RAP1GAP2: variants seen among roughly 807,000 people sequenced by gnomAD.
RAP1GAP2 encodes RAP1 GTPase activating protein 2, also known as rap1 GTPase-activating protein 2.
RAP1GAP2 carries 27 observed loss-of-function variants against 95.0 expected under a neutral mutation model. The observed-to-expected ratio is 0.28, with a 90% CI of 0.21 to 0.39. The LOEUF is 0.39. RAP1GAP2 is among the 10% of genes least tolerant of loss of function. The probability of loss-of-function intolerance (pLI) is 1.00; values close to 1 mark genes in which losing one functional copy is unlikely to be tolerated. For missense variants in RAP1GAP2, 771 were observed against 970.0 expected (o/e 0.79, Z 2.72); for synonymous variants, 373 against 380.9 (o/e 0.98, Z 0.24).
At chr17:2,898,369 C>T (rs1201880274) in intron 2 of RAP1GAP2, among the ~76,000 whole-genome samples, 5 of 152,240 alleles carry the variant, frequency 3.3e-5, no homozygotes, top group African/African-American at 4.8e-5. Context: ...TACCCATTCA[C>T]TCCACCTGTT....
At chr17:2,848,125 C>A (rs1200144839) in intron 2 of RAP1GAP2, among the ~76,000 whole-genome samples, 1 of 152,162 alleles carries the variant, frequency 6.6e-6, no homozygotes, top group Admixed American at 6.5e-5. Flanking sequence ...GCAGGCCCCA[C>A]CTTCATGGCT....
chr17:2,938,522 C>T (rs1213237320), intron 3 of RAP1GAP2, among the ~76,000 whole-genome samples: 1 of 152,128 alleles, frequency 6.6e-6, no homozygotes, highest in Non-Finnish European at 1.5e-5. Context: ...TTCCCCACAG[C>T]ACCAAGTGCC....
chr17:2,902,183 T>G lies in RAP1GAP2; in HGVS notation c.81-3101T>G, dbSNP rs560247126. On this transcript the variant is annotated intron_variant, in intron 2 of 24. Coordinates refer to ENST00000254695, the MANE Select transcript of RAP1GAP2 (RefSeq NM_015085.5). The surrounding 1 kb of genome is among the most constrained non-coding windows in gnomAD (Gnocchi z 4.1). ...GTGTCTGCCTGAGAACACGGGGCATTCTCACTGTGTGTTTCTTCACATTGT... is the reference window on the plus strand; with the variant it reads ...GTGTCTGCCTGAGAACACGGGGCATGCTCACTGTGTGTTTCTTCACATTGT... Among the ~76,000 whole-genome samples the G allele has an allele frequency of 6.6e-6, 1 of 152,220 alleles. No individual in the cohort carries two copies. The highest frequency in any genetic ancestry group is 1.9e-4 in the East Asian group (1 of 5,182).
At chr17:2,822,176 C>T (rs1429209332) in intron 2 of RAP1GAP2, among the ~76,000 whole-genome samples, 1 of 152,148 alleles carries the variant, frequency 6.6e-6, no homozygotes, top group African/African-American at 2.4e-5. Flanking sequence ...GTGTCTCTTG[C>T]ATTCACGCAC....
intron 8 of RAP1GAP2, among the ~76,000 whole-genome samples, chr17:2,967,544 G>A (rs536915450): frequency 5.9e-5 from 9 of 152,246 alleles, no homozygotes; most frequent in African/African-American, 2.2e-4. Context: ...TGGGTCAACA[G>A]CATTGAAATC....
chr17:2,843,192 G>A (rs2071440090), intron 2 of RAP1GAP2, among the ~76,000 whole-genome samples: 1 of 152,076 alleles, frequency 6.6e-6, no homozygotes, highest in Non-Finnish European at 1.5e-5. Context: ...GAATCACTAA[G>A]GGTGTGTCCT....
intron 3 of RAP1GAP2, among the ~76,000 whole-genome samples, chr17:2,946,952 T>A (rs1337133527): frequency 6.6e-6 from 1 of 152,108 alleles, no homozygotes; most frequent in African/African-American, 2.4e-5. Flanking sequence ...ACAGGGTTTC[T>A]CCATGTTGGT....
intron 2 of RAP1GAP2, among the ~76,000 whole-genome samples, chr17:2,823,440 C>A (rs1037502624): frequency 6.6e-6 from 1 of 152,202 alleles, no homozygotes; most frequent in Non-Finnish European, 1.5e-5. Context: ...TGTTAGGATT[C>A]TAGTTTCGTT....
rs915689733 is a variant in RAP1GAP2, at chr17:2,809,332, T to G, written c.80+8782T>G. 3.9e-5 allele frequency among the ~76,000 whole-genome samples: 6 copies of G among 152,358 alleles called. 1 individual carries two copies. In the Middle Eastern group the frequency reaches 0.014, roughly 345 times the overall value. The stretch of plus-strand genomic sequence containing the variant: ...CAGTGGGCAGGAGGGGCTTTGCCTA[T>G]TCACGGAGCCCGTGAGGGTGTTTTC... On this transcript the variant is annotated intron_variant, in intron 2 of 24. Transcript: ENST00000254695.
chr17:2,801,594 GGTATGTGTGTGTGTGTGTGTGT>G (rs1167652826), intron 2 of RAP1GAP2, among the ~76,000 whole-genome samples: 9 of 126,046 alleles, frequency 7.1e-5, no homozygotes, highest in East Asian at 4.5e-4. Flanking sequence ...AACACTCCAG[GGTATGTGTGTGTGTGTGTGTGT>G]GTGTGTGTGT....
intron 11 of RAP1GAP2, among the ~76,000 whole-genome samples, chr17:2,986,908 T>C (rs2045576417): frequency 6.6e-6 from 1 of 152,230 alleles, no homozygotes; most frequent in Non-Finnish European, 1.5e-5. Context: ...TCTGGCCTCA[T>C]GACCTGGGGC....
Position 2,862,467 on chromosome 17 carries a change from C to T in RAP1GAP2, c.81-42817C>T, listed in dbSNP as rs372455436. ...AGCACTTCTGTTCAGACGGGGGCTG[C>T]TGAAGGGCCCAGGAAGTCTCTCAGT... On this transcript the variant is annotated intron_variant, in intron 2 of 24. Coordinates refer to ENST00000254695, the MANE Select transcript of RAP1GAP2 (RefSeq NM_015085.5). 6.8e-4 allele frequency among the ~76,000 whole-genome samples: 104 copies of T among 152,214 alleles called. 1 individual carries two copies. In the East Asian group the frequency reaches 0.019, roughly 27 times the overall value.
At chr17:2,864,056 C>CA (rs765106709) in intron 2 of RAP1GAP2, among the ~76,000 whole-genome samples, 253 of 131,466 alleles carry the variant, frequency 1.9e-3, no homozygotes, top group Middle Eastern at 7.7e-3. Context: ...CTGTCCCCCT[C>CA]AAAAAAAAAA....
At chr17:2,815,403 CAG>C (rs1201831088) in intron 2 of RAP1GAP2, among the ~76,000 whole-genome samples, 2 of 151,908 alleles carry the variant, frequency 1.3e-5, no homozygotes, top group African/African-American at 4.8e-5. Context: ...GAAATGGGAA[CAG>C]AGTGCCTGGT....
intron 3 of RAP1GAP2, among the ~76,000 whole-genome samples, chr17:2,911,868 C>T (rs8071519): frequency 0.73 from 111,224 of 152,128 alleles, 44,436 homozygotes; most frequent in Non-Finnish European, 0.92. Flanking sequence ...TCACTGAAGT[C>T]CACTCTGCTG....
chr17:2,779,775 T>TG (rs2068595183), intron 1 of RAP1GAP2, among the ~76,000 whole-genome samples: 1 of 23,136 alleles, frequency 4.3e-5, no homozygotes, highest in South Asian at 1.2e-3. Context: ...CCATAGTCAG[T>TG]GGGGGAGGAC....
chr17:2,943,203 A>G (rs994843036), intron 3 of RAP1GAP2, among the ~76,000 whole-genome samples: 4 of 151,982 alleles, frequency 2.6e-5, no homozygotes, highest in Admixed American at 1.3e-4. Flanking sequence ...TAGATATTTT[A>G]TAGAGATTGA....
chr17:2,796,152 C>T (rs577150536), upstream of RAP1GAP2, among the ~76,000 whole-genome samples: 5 of 152,260 alleles, frequency 3.3e-5, no homozygotes, highest in South Asian at 2.1e-4. This position sits in a 1 kb window ranked among gnomAD's most constrained non-coding sequence, Gnocchi z 4.7. Flanking sequence ...CCCTCCTAGG[C>T]GTGGCTGTGG....
chr17:2,867,960 C>T lies in RAP1GAP2; in HGVS notation c.81-37324C>T, dbSNP rs1018846415. ...ATCCCCAAGCCTTTGGTAGTAAACA[C>T]ACTTCCTGGGCTGTCTTTTCTCTGA... is the stretch of plus-strand genomic sequence containing the variant. On this transcript the variant is annotated intron_variant, in intron 2 of 24. Coordinates refer to ENST00000254695, the MANE Select transcript of RAP1GAP2 (RefSeq NM_015085.5). This position sits in a 1 kb window ranked among gnomAD's most constrained non-coding sequence, Gnocchi z 4.5. Among the ~76,000 whole-genome samples, 1 of 152,184 alleles carries T rather than the reference C, an allele frequency of 6.6e-6. No homozygotes were observed. The highest frequency in any genetic ancestry group is 6.6e-5 in the Admixed American group (1 of 15,264).
Sources: gnomAD v4.1 joint callset for allele counts (sites outside exome capture counted in the v4.1 genomes callset) on GRCh38, gnomAD v4.1.1 for gene constraint, Gnocchi (gnomAD v3.1) non-coding constraint, MANE v1.5 for transcripts, NCBI Gene and HGNC (gene_info 2026-07-23, HGNC 2026-07-21) for gene names.